Variants in BIRC6 observed in about 807,000 individuals in gnomAD.
The protein encoded by BIRC6 is baculoviral IAP repeat containing 6.
In BIRC6, 98 loss-of-function variants were observed where a neutral mutation model predicts 503.3. The ratio of observed to expected loss-of-function variants is 0.19; its 90% CI spans 0.17 to 0.23. BIRC6 has a LOEUF of 0.23. BIRC6 is among the 10% of genes least tolerant of loss of function. BIRC6 has a pLI of 1.00. For missense variants in BIRC6, 5,360 were observed against 5,806.0 expected, an observed-to-expected ratio of 0.92 and a Z score of 2.50; for synonymous variants, 2,240 against 2,078.7, an observed-to-expected ratio of 1.08 and a Z score of -2.11.
chr2:32,459,493 A>G (rs1355650533), intron 23 of BIRC6, among the ~76,000 whole-genome samples: 1 of 152,044 alleles, frequency 6.6e-6, no homozygotes, highest in African/African-American at 2.4e-5. Context: ...TATTCTTTTT[A>G]TTAAAGATTG....
intron 50 of BIRC6, among the ~76,000 whole-genome samples, chr2:32,506,060 G>A (rs562097474): frequency 6.6e-6 from 1 of 152,056 alleles, no homozygotes; most frequent in South Asian, 2.1e-4. Context: ...TGATGCCTAG[G>A]CTACTTTCAA....
chr2:32,403,779 G>A (rs927552807), intron 8 of BIRC6, among the ~76,000 whole-genome samples: 2 of 152,136 alleles, frequency 1.3e-5, no homozygotes, highest in African/African-American at 4.8e-5. Context: ...AGTAAATACA[G>A]TGCCTATTAT....
intron 26 of BIRC6, 128 bp from the exon 27 acceptor site, chr2:32,467,397 C>T: frequency 1.3e-6 from 1 of 757,410 alleles, no homozygotes; most frequent in South Asian, 1.9e-5. Context: ...TACATATTTA[C>T]TTTTCCTCTT....
rs1161245779 is a variant in BIRC6, at chr2:32,503,138, A to T, written c.9401A>T (p.Asp3134Val). 6.2e-7 allele frequency: 1 copy of T among 1,612,106 alleles called. No individual in the cohort carries two copies. The highest frequency in any genetic ancestry group is 1.3e-5 in the African/African-American group (1 of 74,868). ...SMVSTIMKFL[D>V]SGPNKAVDST... Reference sequence around the variant, plus strand: ...GTATCAACTATTATGAAATTTCTTGACTCTGGTCCAAATAAAGCTGTTGAC... The same window carrying T: ...GTATCAACTATTATGAAATTTCTTGTCTCTGGTCCAAATAAAGCTGTTGAC... Residue 3134 changes from aspartate (D) to valine (V), a missense_variant, in exon 49 of 74, where the codon GAC becomes GTC. This residue lies in a region of BIRC6 where 267 missense variants were observed against 287.6 expected (regional missense o/e 0.93). Transcript: ENST00000421745.
chr2:32,490,441 A>C (rs1328618021), intron 43 of BIRC6, among the ~76,000 whole-genome samples: 1 of 152,168 alleles, frequency 6.6e-6, no homozygotes, highest in Non-Finnish European at 1.5e-5. Flanking sequence ...AGGGTGACGC[A>C]CGAAAATCAC....
At chr2:32,468,150 T>C (rs1485874813) in intron 28 of BIRC6, 39 bp downstream of exon 28, 1 of 1,564,948 alleles carries the variant, frequency 6.4e-7, no homozygotes. Flanking sequence ...ATTGAAACTT[T>C]GTATTTTATA....
intron 15 of BIRC6, among the ~76,000 whole-genome samples, chr2:32,436,920 G>T (rs1158296794): frequency 1.8e-5 from 2 of 112,898 alleles, no homozygotes; most frequent in African/African-American, 3.5e-5. Context: ...ACAGAGTTTT[G>T]CTCTGTTACC....
intron 45 of BIRC6, among the ~76,000 whole-genome samples, chr2:32,495,233 T>G (rs2052299405): frequency 6.6e-6 from 1 of 152,208 alleles, no homozygotes; most frequent in Admixed American, 6.5e-5. Context: ...GTTTGTAGTT[T>G]AGTCACATCT....
At chr2:32,407,179 C>T (rs1212823673) in intron 9 of BIRC6, among the ~76,000 whole-genome samples, 1 of 152,130 alleles carries the variant, frequency 6.6e-6, no homozygotes, top group East Asian at 1.9e-4. Context: ...GGCTTGGTGG[C>T]TTACGTCGGT....
intron 39 of BIRC6, among the ~76,000 whole-genome samples, chr2:32,485,091 A>G (rs2050843623): frequency 6.6e-6 from 1 of 152,234 alleles, no homozygotes; most frequent in African/African-American, 2.4e-5. Context: ...AAAACCTTTT[A>G]AAGGAGAAAT....
intron 40 of BIRC6, among the ~76,000 whole-genome samples, chr2:32,487,049 T>G (rs1401712163): frequency 6.6e-6 from 1 of 152,162 alleles, no homozygotes; most frequent in Non-Finnish European, 1.5e-5. Flanking sequence ...TGTTTGAAAT[T>G]GGTGTCTCCT....
chr2:32,599,219 C>T (rs2061882684), intron 69 of BIRC6, among the ~76,000 whole-genome samples: 1 of 150,860 alleles, frequency 6.6e-6, no homozygotes, highest in South Asian at 2.1e-4. Flanking sequence ...ATCTCAGCTA[C>T]TCGGGAGGCT....
intron 29 of BIRC6, 133 bp from the exon 30 acceptor site, chr2:32,469,262 T>C: frequency 2.8e-6 from 2 of 714,104 alleles, no homozygotes; most frequent in South Asian, 2.2e-5. Context: ...AAGGAGTAAA[T>C]ACATTGCAGA....
intron 1 of BIRC6, among the ~76,000 whole-genome samples, chr2:32,377,072 T>C (rs1391870068): frequency 6.6e-6 from 1 of 152,222 alleles, no homozygotes; most frequent in Admixed American, 6.5e-5. Context: ...TTTAAAAGTT[T>C]TGTTTTTGAA....
intron 1 of BIRC6, among the ~76,000 whole-genome samples, chr2:32,366,224 C>T (rs1430643077): frequency 1.3e-5 from 2 of 152,152 alleles, no homozygotes; most frequent in African/African-American, 2.4e-5. Context: ...AAGAATACAA[C>T]GTGAATGTTT....
In BIRC6 at chr2:32,415,246, T is replaced by A; in HGVS notation, c.1955T>A (p.Ile652Asn). The A allele has an allele frequency of 6.2e-7, 1 of 1,613,974 alleles. No individual in the cohort carries two copies. Among genetic ancestry groups the A allele is most frequent in the African/African-American group, 1.3e-5 (1 of 75,050 alleles). ...AAGATCTTTTCACAGATGAACAATA[T>A]TATGAGTAAAAGTTTGCATGATGAT... Reference protein sequence around the residue: ...AGKIFSQMNNIMSKSLHDDGF... With the variant: ...AGKIFSQMNNNMSKSLHDDGF... The change falls in exon 10 of 74, where the codon ATT becomes AAT. Residue 652 changes from isoleucine (I) to asparagine (N), a missense_variant. Around this residue, in one of 16 missense-constraint regions of BIRC6, gnomAD observed 700 missense variants for 739.3 expected, o/e 0.95. Transcript: ENST00000421745.
chr2:32,478,159 A>C (rs2049979934), intron 35 of BIRC6, among the ~76,000 whole-genome samples: 1 of 152,076 alleles, frequency 6.6e-6, no homozygotes, highest in Non-Finnish European at 1.5e-5. Context: ...CAACATGGTG[A>C]AAACCCGTCC....
At chr2:32,497,156 A>G (rs1000237027) in intron 45 of BIRC6, among the ~76,000 whole-genome samples, 1 of 152,122 alleles carries the variant, frequency 6.6e-6, no homozygotes, top group Non-Finnish European at 1.5e-5. Flanking sequence ...TTCTTCTTTC[A>G]TCTGTTCATA....
chr2:32,581,923 T>G (rs951628613), intron 66 of BIRC6, among the ~76,000 whole-genome samples: 1 of 152,164 alleles, frequency 6.6e-6, no homozygotes, highest in Non-Finnish European at 1.5e-5. Flanking sequence ...AGAGCAGTGG[T>G]GCGATCTTGG....
Sources: gnomAD v4.1 joint callset for allele counts (sites outside exome capture counted in the v4.1 genomes callset) on GRCh38, gnomAD v4.1.1 for gene constraint, gnomAD v4.1.1 regional missense constraint, MANE v1.5 for transcripts, NCBI Gene and HGNC (gene_info 2026-07-23, HGNC 2026-07-21) for gene names.